The following OR5K1 variants were observed in gnomAD, a reference collection of about 807,000 sequenced individuals.
OR5K1 encodes olfactory receptor 5K1.
In OR5K1, 7 loss-of-function variants were observed where a neutral mutation model predicts 10.4. That is an observed-to-expected ratio of 0.67 (90% CI 0.38 to 1.26). OR5K1 has a LOEUF of 1.26. OR5K1 is among the 50% of genes most tolerant of loss of function. OR5K1 has a pLI of 0.02. For missense variants in OR5K1, 435 were observed against 366.2 expected (o/e 1.19, Z -1.53); for synonymous variants, 135 against 128.5 (o/e 1.05, Z -0.34).
At position 98,470,208 on chromosome 3, in the gene OR5K1, T is replaced by C. The variant is rs1472561462; in HGVS notation, c.632T>C (p.Ile211Thr). Reference sequence around the variant, plus strand: ...TCAGGTTCAGTTCAAGTCTTTACCATAGGTAGTGTCTTAATATCTTATCTC... The same window carrying C: ...TCAGGTTCAGTTCAAGTCTTTACCACAGGTAGTGTCTTAATATCTTATCTC... ...IFSGSVQVFT[I>T]GSVLISYLYI... Residue 211 changes from isoleucine to threonine, a missense_variant, in exon 2 of 2, where the codon ATA becomes ACA. Ile to Thr is a moderately conservative substitution (Grantham distance 89, BLOSUM62 -1). Transcript: ENST00000642057. 1.2e-6 allele frequency: 2 copies of C among 1,613,196 alleles called. No homozygotes were observed. The highest frequency in any genetic ancestry group is 1.7e-6 in the Non-Finnish European group (2 of 1,179,494).
chr3:98,465,828 C>T (rs904038480), intron 1 of OR5K1, among the ~76,000 whole-genome samples: 1 of 151,796 alleles, frequency 6.6e-6, no homozygotes, highest in Admixed American at 6.6e-5. Flanking sequence ...TTCCAGTCTC[C>T]CAGTTTTTGT....
Position 98,472,616 on chromosome 3 carries a change from T to C in OR5K1, c.*2113T>C, listed in dbSNP as rs1705463048. The C allele has an allele frequency of 6.6e-6, 1 of 152,014 alleles. No homozygotes were observed. Among genetic ancestry groups the C allele is most frequent in the Non-Finnish European group, 1.5e-5 (1 of 67,964 alleles). 9.4% of individuals were successfully genotyped at this position (152,014 alleles called of 1,614,324 possible). A position where few individuals can be genotyped will look rare whatever the true frequency, so the allele number is the denominator to read the frequency against. On this transcript the variant is annotated 3_prime_UTR_variant, in exon 2 of 2. Coordinates refer to ENST00000642057, the MANE Select transcript of OR5K1 (RefSeq NM_001004736.4). The stretch of plus-strand genomic sequence containing the variant: ...TACAAATGTTTCCCAAATGTACTTT[T>C]ATGGAGTAAAATTGGACTCAAAAAT...
In OR5K1 at chr3:98,470,283, A is replaced by G; in HGVS notation, c.707A>G (p.Lys236Arg). 6.2e-7 allele frequency: 1 copy of G among 1,613,314 alleles called. No individual in the cohort carries two copies. Among genetic ancestry groups the G allele is most frequent in the Non-Finnish European group, 8.5e-7 (1 of 1,179,596 alleles). ...ATGAAATCCAAAGAGGGAAGGGCCA[A>G]AGCTTTTTCTACCTGTGCATCCCAC... ...FKMKSKEGRA[K>R]AFSTCASHFL... is the part of the protein sequence containing the mutation. Residue 236 changes from lysine to arginine, a missense_variant, in exon 2 of 2, where the codon AAA becomes AGA. Lys to Arg is a conservative substitution (Grantham distance 26). Transcript: ENST00000642057.
intron 1 of OR5K1, among the ~76,000 whole-genome samples, chr3:98,469,223 G>A (rs926645369): frequency 6.6e-6 from 1 of 152,080 alleles, no homozygotes; most frequent in Non-Finnish European, 1.5e-5. Context: ...ATGAGTGAGA[G>A]CTAAACACTG....
At chr3:98,468,608 G>A (rs1346563936) in intron 1 of OR5K1, among the ~76,000 whole-genome samples, 2 of 151,960 alleles carry the variant, frequency 1.3e-5, no homozygotes, top group Non-Finnish European at 2.9e-5. Flanking sequence ...ACTTCAATTA[G>A]CATTATGTCT....
rs1705333867 is a variant in OR5K1 at position 98,463,237 on chromosome 3, G to A, written c.-82G>A. 2.0e-5 allele frequency: 3 copies of A among 152,168 alleles called. No individual in the cohort carries two copies. The highest frequency in any genetic ancestry group is 2.0e-4 in the Admixed American group (3 of 15,270). The allele number at this position is 152,168 out of a possible 1,614,324, so 9.4% of individuals were successfully genotyped here. ...GATCAAGAAGATAGAGCTTAATTGT[G>A]AGATCTACTTTAAAAACTGTTATCA... is the stretch of plus-strand genomic sequence containing the variant. On this transcript the variant is annotated 5_prime_UTR_variant, in exon 1 of 2. Coordinates refer to ENST00000642057, the MANE Select transcript of OR5K1 (RefSeq NM_001004736.4).
intron 1 of OR5K1, among the ~76,000 whole-genome samples, chr3:98,469,137 A>G (rs1366802041): frequency 6.6e-6 from 1 of 152,112 alleles, no homozygotes; most frequent in Non-Finnish European, 1.5e-5. Flanking sequence ...TTGTAGCAAC[A>G]TGGACAGAGC....
chr3:98,466,714 T>A (rs367554749), intron 1 of OR5K1, among the ~76,000 whole-genome samples: 1 of 128,492 alleles, frequency 7.8e-6, no homozygotes, highest in African/African-American at 3.5e-5. Context: ...GAAGTGTCTG[T>A]TCATGTCCTT....
rs367830052 is a variant in OR5K1, at chr3:98,470,089, G to A, written c.513G>A (p.Ser171=). ...GLVFRLVFCG[S]NHINHFYCDI... The stretch of plus-strand genomic sequence containing the variant: ...TATTTAGGTTAGTTTTCTGTGGATC[G>A]AATCACATCAACCACTTTTACTGTG... Residue 171 remains serine, a synonymous_variant, in exon 2 of 2, where the codon TCG becomes TCA. Transcript: ENST00000642057. The A allele has an allele frequency of 4.2e-5, 67 of 1,613,586 alleles. No homozygotes were observed. Among genetic ancestry groups the A allele is most frequent in the African/African-American group, 2.4e-4 (18 of 74,968 alleles).
Position 98,472,642 on chromosome 3 carries a change from G to A in OR5K1, c.*2139G>A, listed in dbSNP as rs1705463532. 1 of 151,900 alleles carries A rather than the reference G, an allele frequency of 6.6e-6. No homozygotes were observed. The highest frequency in any genetic ancestry group is 2.1e-4 in the South Asian group (1 of 4,824). The allele number at this position is 151,900 out of a possible 1,614,324, so 9.4% of individuals were successfully genotyped here. A position where few individuals can be genotyped will look rare whatever the true frequency, so the allele number is the denominator to read the frequency against. On this transcript the variant is annotated 3_prime_UTR_variant, in exon 2 of 2. Transcript: ENST00000642057. ...ATGGAGTAAAATTGGACTCAAAAAT[G>A]AGACTCTGTCTTAGTCTATTCTCTC...
At position 98,464,989 on chromosome 3, in the gene OR5K1, C is replaced by T. The variant is rs1268505434; in HGVS notation, c.-12+1682C>T. Among the ~76,000 whole-genome samples the T allele has an allele frequency of 3.3e-5, 5 of 152,130 alleles. No individual in the cohort carries two copies. The East Asian group carries it at 9.6e-4, about 29-fold the overall frequency. On this transcript the variant is annotated intron_variant, in intron 1 of 1. Transcript: ENST00000642057. The stretch of plus-strand genomic sequence containing the variant: ...TTGTGCACTTAATCAAGTTATAAAA[C>T]ACTGCAGACCTAAGAGCATGCCATT...
intron 1 of OR5K1, among the ~76,000 whole-genome samples, chr3:98,468,899 C>G (rs1157978081): frequency 6.6e-6 from 1 of 151,988 alleles, no homozygotes; most frequent in Non-Finnish European, 1.5e-5. Context: ...TTTACTTAAC[C>G]CATATAGAGA....
Position 98,465,899 on chromosome 3 carries a change from T to TA in OR5K1, c.-12+2594dup, listed in dbSNP as rs1553684219. Among the ~76,000 whole-genome samples, 704 of 148,850 alleles carry TA rather than the reference T, an allele frequency of 4.7e-3. 3 individuals are homozygous for TA. Among genetic ancestry groups the TA allele is most frequent in the African/African-American group, 0.014 (551 of 40,610 alleles). On this transcript the variant is annotated intron_variant, in intron 1 of 1. Coordinates refer to ENST00000642057, the MANE Select transcript of OR5K1 (RefSeq NM_001004736.4). ...TATAAATAAATTTGTCTTTTTTTTT[T>TA]AATTTTTTTTTATTATACTTTAAGT...
rs773846454 is a variant in OR5K1, at chr3:98,470,211, G to C, written c.635G>C (p.Gly212Ala). ...GGTTCAGTTCAAGTCTTTACCATAG[G>C]TAGTGTCTTAATATCTTATCTCTAT... ...FSGSVQVFTI[G>A]SVLISYLYIL... The change falls in exon 2 of 2, where the codon GGT becomes GCT. Residue 212 changes from glycine (G) to alanine (A), a missense_variant. Coordinates refer to ENST00000642057, the MANE Select transcript of OR5K1 (RefSeq NM_001004736.4). 4 of 1,613,108 alleles carry C rather than the reference G, an allele frequency of 2.5e-6. No homozygotes were observed. The highest frequency in any genetic ancestry group is 3.3e-5 in the Admixed American group (2 of 59,824).
In OR5K1 at chr3:98,469,945, T is replaced by C; in HGVS notation, c.369T>C (p.Tyr123=). The C allele has an allele frequency of 2.5e-6, 4 of 1,613,786 alleles. No individual in the cohort carries two copies. Among genetic ancestry groups the C allele is most frequent in the Non-Finnish European group, 3.4e-6 (4 of 1,179,822 alleles). Residue 123 remains tyrosine, a synonymous_variant, in exon 2 of 2, where the codon TAT becomes TAC. Transcript: ENST00000642057. ...FLLAAMAYDR[Y]VAICNPLQYH... ...TGGCAGCAATGGCCTATGACCGCTATGTGGCCATATGCAACCCACTGCAGT... is the reference window on the plus strand; with the variant it reads ...TGGCAGCAATGGCCTATGACCGCTACGTGGCCATATGCAACCCACTGCAGT...
In OR5K1 at chr3:98,472,478, T is replaced by C. The variant is rs149805658; in HGVS notation, c.*1975T>C. 6.6e-6 allele frequency: 1 copy of C among 152,070 alleles called. No homozygotes were observed. The highest frequency in any genetic ancestry group is 1.9e-4 in the East Asian group (1 of 5,156). The allele number at this position is 152,070 out of a possible 1,614,324, so 9.4% of individuals were successfully genotyped here. ...CCCATGCCAGGACACCCCCTGGGAA[T>C]TGAAACCACAGAACCTTTTCCAGGC... On this transcript the variant is annotated 3_prime_UTR_variant, in exon 2 of 2. Transcript: ENST00000642057.
Position 98,469,869 on chromosome 3 carries a change from C to T in OR5K1, c.293C>T (p.Ala98Val). The change falls in exon 2 of 2, where the codon GCA becomes GTA. Residue 98 changes from alanine to valine, a missense_variant. Ala to Val is a moderately conservative substitution (Grantham distance 64). Transcript: ENST00000642057. ...ENKRISLYEC[A>V]VQFYFLCTVE... ...AAAAGGATTTCCCTCTATGAATGTGCAGTACAGTTTTATTTTCTTTGCACT... is the reference window on the plus strand; with the variant it reads ...AAAAGGATTTCCCTCTATGAATGTGTAGTACAGTTTTATTTTCTTTGCACT... 6.2e-7 allele frequency: 1 copy of T among 1,613,744 alleles called. No individual in the cohort carries two copies. Among genetic ancestry groups the T allele is most frequent in the South Asian group, 1.1e-5 (1 of 91,074 alleles).
rs867053464 is a variant in OR5K1, at chr3:98,469,596, C to T, written c.20C>T (p.Thr7Ile). The T allele has an allele frequency of 3.7e-6, 6 of 1,608,124 alleles. No homozygotes were observed. The highest frequency in any genetic ancestry group is 2.2e-5 in the East Asian group (1 of 44,792). The change falls in exon 2 of 2, where the codon ACC becomes ATC. Residue 7 changes from threonine to isoleucine, a missense_variant. Physicochemically the swap from Thr to Ile is moderately conservative, Grantham distance 89. Transcript: ENST00000642057. MAEENHTMKNEFILTGF... is the reference protein window; with the variant it reads MAEENHIMKNEFILTGF... ...TCAGGAATGGCTGAAGAAAATCATA[C>T]CATGAAAAATGAGTTTATCCTCACA...
intron 1 of OR5K1, among the ~76,000 whole-genome samples, chr3:98,468,690 G>A (rs531620591): frequency 6.6e-6 from 1 of 152,202 alleles, no homozygotes; most frequent in South Asian, 2.1e-4. Context: ...TCCATTATAT[G>A]TATATACCAC....
Sources: gnomAD v4.1 joint callset for allele counts (sites outside exome capture counted in the v4.1 genomes callset) on GRCh38, gnomAD v4.1.1 for gene constraint, MANE v1.5 for transcripts, NCBI Gene and HGNC (gene_info 2026-07-23, HGNC 2026-07-21) for gene names.